Variants in HHLA1 observed in about 807,000 individuals in gnomAD.
The protein encoded by HHLA1 is HERV-H LTR-associating protein 1.
HHLA1 carries 72 observed loss-of-function variants against 69.9 expected under a neutral mutation model. The observed-to-expected ratio is 1.03, with a 90% CI of 0.85 to 1.25. The LOEUF is 1.25. HHLA1 is among the 50% of genes most tolerant of loss of function. The pLI, the probability that HHLA1 is intolerant of heterozygous loss-of-function variation, is 0.00. For missense variants in HHLA1, 685 were observed against 642.2 expected, an observed-to-expected ratio of 1.07 and a Z score of -0.72; for synonymous variants, 252 against 233.2, an observed-to-expected ratio of 1.08 and a Z score of -0.73.
Position 132,077,794 on chromosome 8 carries a change from C to T in HHLA1, c.1103G>A (p.Ser368Asn). 1 of 1,551,634 alleles carries T rather than the reference C, an allele frequency of 6.4e-7. No homozygotes were observed. Among genetic ancestry groups the T allele is most frequent in the South Asian group, 1.2e-5 (1 of 84,052 alleles). ...TATCTCAGCAGCAGGCGCCAAAAGGCTTGTAGTGTTCATGGCTTCCTCGGT... is the reference window on the plus strand; with the variant it reads ...TATCTCAGCAGCAGGCGCCAAAAGGTTTGTAGTGTTCATGGCTTCCTCGGT... ...AGTEEAMNTT[S>N]LLAPAAEIMA... is the part of the protein sequence containing the mutation. Residue 368 changes from serine (S) to asparagine (N), a missense_variant, in exon 12 of 17, where the codon AGC (serine) becomes AAC (asparagine). Ser to Asn is a conservative substitution (Grantham distance 46, BLOSUM62 1). Coordinates refer to ENST00000414222, the MANE Select transcript of HHLA1 (RefSeq NM_001145095.3).
At chr8:132,093,936 T>G (rs1200774676) in intron 7 of HHLA1, among the ~76,000 whole-genome samples, 1 of 152,186 alleles carries the variant, frequency 6.6e-6, no homozygotes, top group African/African-American at 2.4e-5. Flanking sequence ...TCGCATATAG[T>G]ACTTATTATA....
chr8:132,071,815 A>G (rs1823550307), intron 14 of HHLA1, among the ~76,000 whole-genome samples: 1 of 152,190 alleles, frequency 6.6e-6, no homozygotes, highest in Non-Finnish European at 1.5e-5. Context: ...GACAGGGCAT[A>G]CAATGACTCT....
chr8:132,064,906 A>T (rs139411156), intron 16 of HHLA1, among the ~76,000 whole-genome samples: 1 of 152,300 alleles, frequency 6.6e-6, no homozygotes. Context: ...TTGGGTTATT[A>T]CACTGTTTCG....
chr8:132,067,680 C>T (rs1198838714), intron 15 of HHLA1, among the ~76,000 whole-genome samples: 1 of 152,170 alleles, frequency 6.6e-6, no homozygotes, highest in Non-Finnish European at 1.5e-5. Context: ...TTCCAGGTAC[C>T]ATGCAGGAAC....
intron 10 of HHLA1, among the ~76,000 whole-genome samples, chr8:132,085,895 G>C (rs62521325): frequency 7.4e-6 from 1 of 134,596 alleles, no homozygotes; most frequent in Non-Finnish European, 1.7e-5. Flanking sequence ...AGGTGGGGCA[G>C]GGCATATTCA....
intron 10 of HHLA1, among the ~76,000 whole-genome samples, chr8:132,087,295 G>A (rs1015516354): frequency 6.6e-6 from 1 of 152,102 alleles, no homozygotes; most frequent in African/African-American, 2.4e-5. Context: ...CCAGCATGGG[G>A]TCACAAATTC....
In HHLA1 at chr8:132,098,873, T is replaced by C; in HGVS notation, c.280+9A>G. ...ATGGACCTGGATTGTGCTTTTAAAA[T>C]ATGATTACCTTTTAACGCTCTACTG... On this transcript the variant is annotated intron_variant, in intron 5 of 16. Transcript: ENST00000414222. The C allele has an allele frequency of 1.3e-6, 2 of 1,532,660 alleles. No individual in the cohort carries two copies. Among genetic ancestry groups the C allele is most frequent in the Admixed American group, 2.0e-5 (1 of 50,744 alleles). The allele number at this position is 1,532,660 out of a possible 1,614,324, so 94.9% of individuals were successfully genotyped here.
chr8:132,097,570 G>C (rs960412042), intron 5 of HHLA1, among the ~76,000 whole-genome samples: 1 of 152,154 alleles, frequency 6.6e-6, no homozygotes, highest in African/African-American at 2.4e-5. Flanking sequence ...ATTTCACAGA[G>C]CCCAGTGCAG....
Position 132,063,990 on chromosome 8 carries a change from AG to A in HHLA1, c.*4del. The A allele has an allele frequency of 1.5e-6, 2 of 1,299,066 alleles. No individual in the cohort carries two copies. Among genetic ancestry groups the A allele is most frequent in the Non-Finnish European group, 2.0e-6 (2 of 984,412 alleles). 80.5% of individuals were successfully genotyped at this position (1,299,066 alleles called of 1,614,324 possible). A position where few individuals can be genotyped will look rare whatever the true frequency, so the allele number is the denominator to read the frequency against. ...TTGTTATGCCCTAGTGTTATTTTCAAGGCCTCACACAGACTTGCAGATATTC... is the reference window on the plus strand; with the variant it reads ...TTGTTATGCCCTAGTGTTATTTTCAAGCCTCACACAGACTTGCAGATATTC... On this transcript the variant is annotated 3_prime_UTR_variant, in exon 17 of 17. Coordinates refer to ENST00000414222, the MANE Select transcript of HHLA1 (RefSeq NM_001145095.3).
chr8:132,101,264 T>C (rs1231394568), intron 3 of HHLA1: 11 of 1,550,136 alleles, frequency 7.1e-6, no homozygotes, highest in Admixed American at 2.0e-5. Flanking sequence ...AACATCTTTA[T>C]TTCCAGACAC....
chr8:132,081,762 C>T (rs28878199), intron 10 of HHLA1, among the ~76,000 whole-genome samples: 42,969 of 151,984 alleles, frequency 0.28, 6,399 homozygotes, highest in Admixed American at 0.37. Context: ...TCCTGGGTGG[C>T]GCAAATCCTC....
At position 132,079,514 on chromosome 8, in the gene HHLA1, C is replaced by A. The variant is rs142095986; in HGVS notation, c.925+204G>T. Among the ~76,000 whole-genome samples, 1,052 of 152,298 alleles carry A rather than the reference C, an allele frequency of 6.9e-3. 6 individuals carry two copies. The highest frequency in any genetic ancestry group is 0.024 in the African/African-American group (999 of 41,544). ...GGCATCAAAATACATATTAGAAACA[C>A]ATTATGTCAATGGCATTTTCTGCCT... On this transcript the variant is annotated intron_variant, in intron 11 of 16. Coordinates refer to ENST00000414222, the MANE Select transcript of HHLA1 (RefSeq NM_001145095.3).
intron 10 of HHLA1, among the ~76,000 whole-genome samples, chr8:132,082,108 G>A (rs1366068453): frequency 1.3e-5 from 2 of 152,206 alleles, no homozygotes; most frequent in South Asian, 2.1e-4. Flanking sequence ...TAATGTGGGA[G>A]GCCGGACTGA....
In HHLA1 at chr8:132,077,817, G is replaced by C. The variant is rs199597637; in HGVS notation, c.1080C>G (p.Thr360=). 1.7e-5 allele frequency: 26 copies of C among 1,551,536 alleles called. No individual in the cohort carries two copies. The highest frequency in any genetic ancestry group is 2.2e-5 in the Non-Finnish European group (25 of 1,146,946). ...GGCTTGTAGTGTTCATGGCTTCCTC[G>C]GTCCCTGCAGTAGTCGGTGGGGAAG... ...TRSSPPTTAG[T]EEAMNTTSLL... Residue 360 remains threonine (T), a synonymous_variant, in exon 12 of 17, where the codon ACC becomes ACG. Coordinates refer to ENST00000414222, the MANE Select transcript of HHLA1 (RefSeq NM_001145095.3).
In HHLA1 at chr8:132,101,143, T is replaced by G. The variant is rs1824104492; in HGVS notation, c.140-1009A>C. ...GGAGAAGGTGCTGTATTTTACATTT[T>G]CATTTTGCAAATAGAAAACAACAAG... On this transcript the variant is annotated intron_variant, in intron 3 of 16. Transcript: ENST00000414222. The G allele has an allele frequency of 2.6e-6, 4 of 1,522,330 alleles. No individual in the cohort carries two copies. The South Asian group carries it at 5.1e-5, about 19-fold the overall frequency. 94.3% of individuals were successfully genotyped at this position (1,522,330 alleles called of 1,614,324 possible).
At chr8:132,074,613 G>C (rs1284698495) in intron 14 of HHLA1, among the ~76,000 whole-genome samples, 2 of 151,018 alleles carry the variant, frequency 1.3e-5, no homozygotes, top group Non-Finnish European at 3.0e-5. Flanking sequence ...TTTTTTTTTT[G>C]GATGAGCAGA....
intron 1 of HHLA1, among the ~76,000 whole-genome samples, chr8:132,106,394 A>T (rs183262341): frequency 1.3e-4 from 20 of 152,350 alleles, no homozygotes; most frequent in Admixed American, 1.0e-3. Flanking sequence ...TAGCTATGTG[A>T]CTGGCATTTG....
intron 10 of HHLA1, among the ~76,000 whole-genome samples, chr8:132,084,664 T>C (rs548718001): frequency 3.4e-4 from 52 of 152,066 alleles, no homozygotes; most frequent in African/African-American, 1.2e-3. Flanking sequence ...TTTTAAATTT[T>C]TGAGAACACA....
intron 15 of HHLA1, 77 bp from the exon 16 acceptor site, chr8:132,066,045 A>G (rs1823432677): frequency 1.7e-6 from 1 of 574,770 alleles, no homozygotes; most frequent in Admixed American, 2.4e-5. Flanking sequence ...TTTTAAAGGT[A>G]AGCACATAAA....
Sources: gnomAD v4.1 joint callset for allele counts (sites outside exome capture counted in the v4.1 genomes callset) on GRCh38, gnomAD v4.1.1 for gene constraint, MANE v1.5 for transcripts, NCBI Gene and HGNC (gene_info 2026-07-23, HGNC 2026-07-21) for gene names.